The following EPB41L4A variants were observed in gnomAD, a reference collection of about 807,000 sequenced individuals.
The protein encoded by EPB41L4A is erythrocyte membrane protein band 4.1 like 4A.
In EPB41L4A, 100 loss-of-function variants were observed where a neutral mutation model predicts 108.6. The ratio of observed to expected loss-of-function variants is 0.92; its 90% CI spans 0.78 to 1.09. The LOEUF (loss-of-function observed/expected upper bound fraction) is 1.09, where lower values mean the gene tolerates loss of function less well. Among genes scored for constraint, EPB41L4A ranks in the 50% least tolerant of loss-of-function variants. EPB41L4A has a pLI of 0.00. For missense variants in EPB41L4A, 1,030 were observed against 842.7 expected (o/e 1.22, Z -2.75); for synonymous variants, 319 against 289.0 (o/e 1.10, Z -1.05).
intron 12 of EPB41L4A, among the ~76,000 whole-genome samples, chr5:112,218,996 C>T (rs1001707030): frequency 1.3e-5 from 2 of 152,122 alleles, no homozygotes; most frequent in South Asian, 2.1e-4. Context: ...CATACCGATT[C>T]GTTGTGTCAT....
chr5:112,414,664 C>T (rs971234967), intron 1 of EPB41L4A, among the ~76,000 whole-genome samples: 2 of 152,212 alleles, frequency 1.3e-5, no homozygotes, highest in East Asian at 3.8e-4. Flanking sequence ...CAGCCAAAAG[C>T]TGTTGGAGGT....
intron 18 of EPB41L4A, among the ~76,000 whole-genome samples, chr5:112,180,376 G>A (rs1761085055): frequency 6.6e-6 from 1 of 152,088 alleles, no homozygotes; most frequent in Non-Finnish European, 1.5e-5. Context: ...ATGGCTTAGG[G>A]ATAGACAAAT....
chr5:112,410,612 T>C (rs936036500), intron 1 of EPB41L4A, among the ~76,000 whole-genome samples: 3 of 151,970 alleles, frequency 2.0e-5, no homozygotes, highest in African/African-American at 7.3e-5. Context: ...CCCACAACTC[T>C]CCTCCTTCCT....
At chr5:112,418,565 G>C (rs1285023796) in intron 1 of EPB41L4A, among the ~76,000 whole-genome samples, 2 of 152,126 alleles carry the variant, frequency 1.3e-5, no homozygotes, top group Non-Finnish European at 2.9e-5. Flanking sequence ...CTTCAACAAA[G>C]TCGAGGGAAA....
Position 112,209,983 on chromosome 5 carries a change from C to A in EPB41L4A, c.1088-1G>T. Reference sequence around the variant, plus strand: ...GTTATCCTACTGATGCTGTTTGATTCTAGCAGAGGAGGAGAAGGAAAGATG... The same window carrying A: ...GTTATCCTACTGATGCTGTTTGATTATAGCAGAGGAGGAGAAGGAAAGATG... On this transcript the variant is annotated splice_acceptor_variant, in intron 12 of 22. Transcript: ENST00000261486. LOFTEE classifies it high-confidence loss of function. 6.5e-7 allele frequency: 1 copy of A among 1,536,092 alleles called. No individual in the cohort carries two copies. Among genetic ancestry groups the A allele is most frequent in the Non-Finnish European group, 9.0e-7 (1 of 1,115,222 alleles).
chr5:112,352,207 T>G (rs369565344), intron 1 of EPB41L4A, among the ~76,000 whole-genome samples: 3 of 152,252 alleles, frequency 2.0e-5, no homozygotes, highest in Non-Finnish European at 4.4e-5. Flanking sequence ...TTCCTTGAAA[T>G]ACATCATTAG....
intron 12 of EPB41L4A, among the ~76,000 whole-genome samples, chr5:112,234,396 A>AG (rs1434341591): frequency 8.6e-5 from 13 of 151,922 alleles, no homozygotes; most frequent in Admixed American, 3.3e-4. Context: ...AGAAAAAAAA[A>AG]GAAAGTACAG....
chr5:112,158,484 T>C (rs865959286), downstream of EPB41L4A: 16 of 363,126 alleles, frequency 4.4e-5, 1 homozygote, highest in Middle Eastern at 1.8e-3. Flanking sequence ...ACTAAACCTA[T>C]ATATGCTGGC....
rs921635293 is a variant in EPB41L4A, at chr5:112,163,152, A to G, written c.*1838T>C. 3 of 152,222 alleles carry G rather than the reference A, an allele frequency of 2.0e-5. No homozygotes were observed. Among genetic ancestry groups the G allele is most frequent in the African/African-American group, 7.2e-5 (3 of 41,460 alleles). The allele number at this position is 152,222 out of a possible 1,614,324, so 9.4% of individuals were successfully genotyped here. On this transcript the variant is annotated 3_prime_UTR_variant, in exon 23 of 23. Transcript: ENST00000261486. ...TTGCTTATTGTTGTCTAGACAAGAG[A>G]CCAGCTTGGACTAGTAAAATTAGTG...
intron 1 of EPB41L4A, among the ~76,000 whole-genome samples, chr5:112,322,699 G>GAC (rs111502535): frequency 0.12 from 16,870 of 145,714 alleles, 1,079 homozygotes; most frequent in East Asian, 0.3. Context: ...TCCACTATGA[G>GAC]ACACACACAC....
intron 9 of EPB41L4A, among the ~76,000 whole-genome samples, chr5:112,252,387 G>A (rs1191337325): frequency 6.6e-6 from 1 of 152,044 alleles, no homozygotes; most frequent in Non-Finnish European, 1.5e-5. Flanking sequence ...CTAGTCAAAG[G>A]AACCAGAGCT....
At chr5:112,396,224 T>C (rs192252633) in intron 1 of EPB41L4A, among the ~76,000 whole-genome samples, 2 of 152,194 alleles carry the variant, frequency 1.3e-5, no homozygotes, top group Admixed American at 6.5e-5. Context: ...GTTGTGCACA[T>C]GTACCCAAGA....
chr5:112,272,507 T>C (rs1470594706), intron 4 of EPB41L4A, among the ~76,000 whole-genome samples: 1 of 151,554 alleles, frequency 6.6e-6, no homozygotes, highest in Non-Finnish European at 1.5e-5. Flanking sequence ...GAATACAATG[T>C]AGGAGTAAAA....
At chr5:112,236,083 A>G (rs1749311499) in intron 11 of EPB41L4A, among the ~76,000 whole-genome samples, 2 of 152,314 alleles carry the variant, frequency 1.3e-5, no homozygotes, top group Admixed American at 1.3e-4. Flanking sequence ...CTCACAGAGG[A>G]AAAAATGTTC....
At position 112,234,510 on chromosome 5, in the gene EPB41L4A, A is replaced by T. The variant is rs182626119; in HGVS notation, c.1087+124T>A. On this transcript the variant is annotated intron_variant, in intron 12 of 22. Coordinates refer to ENST00000261486, the MANE Select transcript of EPB41L4A (RefSeq NM_022140.5). ...AAATTAAAATTTCTAATATTAGAAA[A>T]TTTTAATATTGGAAATTTCAATAGA... is the stretch of plus-strand genomic sequence containing the variant. 1.2e-3 allele frequency: 1,096 copies of T among 890,518 alleles called. 12 individuals carry two copies. In the Admixed American group the frequency reaches 0.023, roughly 19 times the overall value. 55.2% of individuals were successfully genotyped at this position (890,518 alleles called of 1,614,324 possible). A position where few individuals can be genotyped will look rare whatever the true frequency, so the allele number is the denominator to read the frequency against.
intron 17 of EPB41L4A, chr5:112,191,881 T>C (rs1554075143): frequency 6.6e-6 from 1 of 152,114 alleles, no homozygotes; most frequent in Non-Finnish European, 1.5e-5. Context: ...GAAAGCAGGG[T>C]GCATCGGCGT....
intron 1 of EPB41L4A, among the ~76,000 whole-genome samples, chr5:112,344,358 A>G (rs920471539): frequency 3.9e-5 from 6 of 152,220 alleles, no homozygotes; most frequent in African/African-American, 1.4e-4. Flanking sequence ...TTACTAGAAC[A>G]TTAATTTACA....
chr5:112,388,575 T>C (rs986520509), intron 1 of EPB41L4A, among the ~76,000 whole-genome samples: 6 of 151,312 alleles, frequency 4.0e-5, no homozygotes, highest in Non-Finnish European at 8.8e-5. Flanking sequence ...AATGGGAGAG[T>C]CAGGATTATG....
chr5:112,362,736 C>T (rs1462792861), intron 1 of EPB41L4A, among the ~76,000 whole-genome samples: 2 of 152,294 alleles, frequency 1.3e-5, no homozygotes, highest in South Asian at 2.1e-4. Flanking sequence ...CTAAAGTAAT[C>T]ATTAACAATA....
Sources: allele counts gnomAD v4.1 joint callset (sites outside exome capture counted in the v4.1 genomes callset), GRCh38; gene constraint gnomAD v4.1.1; transcripts MANE v1.5; gene names NCBI Gene and HGNC (gene_info 2026-07-23, HGNC 2026-07-21).